NPIPB15: variants seen among roughly 807,000 people sequenced by gnomAD.
NPIPB15 encodes the protein nuclear pore complex-interacting protein family member B15.
NPIPB15 carries 5 observed loss-of-function variants against 35.9 expected under a neutral mutation model. The ratio of observed to expected loss-of-function variants is 0.14; its 90% CI spans 0.07 to 0.29. NPIPB15 has a LOEUF of 0.29. Among genes scored for constraint, NPIPB15 ranks in the 10% least tolerant of loss-of-function variants. The pLI is 1.00. For missense variants in NPIPB15, 100 were observed against 506.1 expected (o/e 0.20, Z 7.70); for synonymous variants, 43 against 182.0 (o/e 0.24, Z 6.15).
chr16:74,379,089 C>T (rs567789247), intron 2 of NPIPB15, among the ~76,000 whole-genome samples: 16 of 152,088 alleles, frequency 1.1e-4, no homozygotes, highest in Admixed American at 7.2e-4. Context: ...CGTGAACCAC[C>T]GTGCCCAGCC....
chr16:74,387,750 G>C (rs4099292), intron 5 of NPIPB15, among the ~76,000 whole-genome samples: 1 of 151,736 alleles, frequency 6.6e-6, no homozygotes, highest in Non-Finnish European at 1.5e-5. Context: ...ATGTGCTGAA[G>C]GATGCCCTGT....
chr16:74,381,165 AGT>A (rs2011970785), intron 2 of NPIPB15: 1 of 316,734 alleles, frequency 3.2e-6, no homozygotes, highest in African/African-American at 2.4e-5. Flanking sequence ...AAAAAAAAAG[AGT>A]TTTTTTTTAG....
At chr16:74,388,814 G>C (rs1459963540) in intron 5 of NPIPB15, 1 of 962,498 alleles carries the variant, frequency 1.0e-6, no homozygotes, top group African/African-American at 1.8e-5. Context: ...ACACCTACAA[G>C]TGAGTTCAGA....
At chr16:74,384,686 TTTTTTTTTTTTG>T (rs1469252794) in intron 3 of NPIPB15, among the ~76,000 whole-genome samples, 3 of 90,316 alleles carry the variant, frequency 3.3e-5, no homozygotes, top group African/African-American at 1.5e-4. Context: ...TTTTTTTTTT[TTTTTTTTTTTTG>T]AGACAGAGTT....
At chr16:74,386,352 G>A (rs1187372816) in intron 5 of NPIPB15, among the ~76,000 whole-genome samples, 1 of 138,188 alleles carries the variant, frequency 7.2e-6, no homozygotes, top group African/African-American at 2.8e-5. Context: ...GGAGTGCTAT[G>A]GTGCAATCTT....
At chr16:74,385,014 TG>T (rs2012194391) in intron 3 of NPIPB15, among the ~76,000 whole-genome samples, 1 of 101,228 alleles carries the variant, frequency 9.9e-6, no homozygotes, top group Non-Finnish European at 2.1e-5. Flanking sequence ...TGTGTGTGTG[TG>T]TGTGTGTGTG....
intron 3 of NPIPB15, among the ~76,000 whole-genome samples, chr16:74,382,906 CTTTTTTTT>C (rs1207851456): frequency 8.6e-6 from 1 of 115,944 alleles, no homozygotes; most frequent in East Asian, 3.1e-4. Flanking sequence ...TTGGAGGAAG[CTTTTTTTT>C]TTTTTTTTTT....
intron 1 of NPIPB15, among the ~76,000 whole-genome samples, 90 bp downstream of exon 1, chr16:74,377,436 C>G (rs1161111433): frequency 6.6e-6 from 1 of 151,834 alleles, no homozygotes; most frequent in Non-Finnish European, 1.5e-5. Context: ...GCGGGCGCTA[C>G]TTGGCATTGT....
chr16:74,389,400 TCTCA>T (rs1243038590), intron 5 of NPIPB15, among the ~76,000 whole-genome samples: 2 of 149,818 alleles, frequency 1.3e-5, no homozygotes, highest in African/African-American at 2.5e-5. Context: ...TGAGATGGAG[TCTCA>T]CTGTGTCACC....
chr16:74,386,284 CTTTTTTT>C (rs1179744903), intron 5 of NPIPB15, among the ~76,000 whole-genome samples: 10 of 106,530 alleles, frequency 9.4e-5, no homozygotes, highest in Admixed American at 3.6e-4. Flanking sequence ...CACACCCAGC[CTTTTTTT>C]TTTTTTTTTT....
At chr16:74,382,906 CTTTTTTTTTTT>C (rs1207851456) in intron 3 of NPIPB15, among the ~76,000 whole-genome samples, 1 of 115,940 alleles carries the variant, frequency 8.6e-6, no homozygotes, top group Non-Finnish European at 1.7e-5. Context: ...TTGGAGGAAG[CTTTTTTTTTTT>C]TTTTTTTTTT....
chr16:74,386,485 G>A (rs1442073144), intron 5 of NPIPB15, among the ~76,000 whole-genome samples: 4 of 120,682 alleles, frequency 3.3e-5, no homozygotes, highest in Non-Finnish European at 6.6e-5. Context: ...TTGAGACAGA[G>A]TCTCACTCTG....
chr16:74,379,655 T>C (rs1405365761), intron 2 of NPIPB15, among the ~76,000 whole-genome samples: 9 of 151,752 alleles, frequency 5.9e-5, no homozygotes, highest in African/African-American at 1.9e-4. Context: ...AGTGGTGCGA[T>C]CTCGGCTCAC....
chr16:74,377,699 A>T (rs1159261443), intron 1 of NPIPB15, among the ~76,000 whole-genome samples: 2 of 147,856 alleles, frequency 1.4e-5, no homozygotes, highest in Non-Finnish European at 3.0e-5. Flanking sequence ...CCTTTCCCAG[A>T]CCCCTTTCTT....
At chr16:74,389,541 C>G (rs1296566315) in intron 5 of NPIPB15, among the ~76,000 whole-genome samples, 1 of 131,696 alleles carries the variant, frequency 7.6e-6, no homozygotes, top group Non-Finnish European at 1.6e-5. Context: ...CCCGGCTAAT[C>G]TTTTGTATTT....
intron 5 of NPIPB15, among the ~76,000 whole-genome samples, chr16:74,386,199 G>A (rs1457743217): frequency 1.9e-3 from 245 of 126,484 alleles, no homozygotes; most frequent in Non-Finnish European, 3.4e-3. Context: ...TGTCCAGGCT[G>A]GTCTCGAACT....
rs756867853 is a variant in NPIPB15, at chr16:74,391,735, C to T, written c.987C>T (p.Pro329=). ...LKDCLFVPLP[P]SPLPPSVDDN... The stretch of plus-strand genomic sequence containing the variant: ...ACTGTCTCTTTGTCCCTCTTCCACC[C>T]TCTCCTCTTCCACCCTCAGTGGATG... Residue 329 remains proline (P), a synonymous_variant, in exon 8 of 8, where the codon CCC becomes CCT. Transcript: ENST00000692376. The T allele has an allele frequency of 3.0e-6, 4 of 1,336,830 alleles. No homozygotes were observed. The highest frequency in any genetic ancestry group is 3.0e-6 in the Non-Finnish European group (3 of 990,466). The allele number at this position is 1,336,830 out of a possible 1,614,324, so 82.8% of individuals were successfully genotyped here.
At chr16:74,377,649 AAC>A (rs2011729614) in intron 1 of NPIPB15, among the ~76,000 whole-genome samples, 1 of 151,796 alleles carries the variant, frequency 6.6e-6, no homozygotes, top group Non-Finnish European at 1.5e-5. Flanking sequence ...CCTGTAGCTA[AAC>A]CTTCCACCAG....
chr16:74,386,012 A>T, intron 5 of NPIPB15, among the ~76,000 whole-genome samples: 2 of 130,268 alleles, frequency 1.5e-5, no homozygotes, highest in Non-Finnish European at 1.6e-5. Flanking sequence ...TTTTTTCCTG[A>T]GATGGAGCTT....
Sources: allele counts gnomAD v4.1 joint callset (sites outside exome capture counted in the v4.1 genomes callset), GRCh38; gene constraint gnomAD v4.1.1; transcripts MANE v1.5; gene names NCBI Gene and HGNC (gene_info 2026-07-23, HGNC 2026-07-21).